The following RHCG variants were observed in gnomAD, a reference collection of about 807,000 sequenced individuals.
The protein encoded by RHCG is ammonium transporter Rh type C.
Under a neutral mutation model 55.3 loss-of-function variants are expected in RHCG, and 39 were observed. The ratio of observed to expected loss-of-function variants is 0.70; its 90% CI spans 0.55 to 0.92. The LOEUF is 0.92. Among genes scored for constraint, RHCG ranks in the 40% least tolerant of loss-of-function variants. RHCG has a pLI of 0.00. For synonymous variants in RHCG, 250 were observed against 246.8 expected (o/e 1.01, Z -0.12); for missense variants, 635 against 627.9 (o/e 1.01, Z -0.12).
chr15:89,474,565 G>T (rs962404938), intron 9 of RHCG, among the ~76,000 whole-genome samples: 1 of 152,178 alleles, frequency 6.6e-6, no homozygotes, highest in East Asian at 1.9e-4. Flanking sequence ...ATGGGGAGAG[G>T]CCAGCCTGAA....
chr15:89,479,546 A>G (rs1961226449), intron 4 of RHCG, 58 bp from the exon 5 acceptor site: 3 of 1,488,208 alleles, frequency 2.0e-6, no homozygotes, highest in Middle Eastern at 1.8e-4. Context: ...ATACAGCCCC[A>G]CAGCTCAGGC....
At chr15:89,486,176 C>G in intron 2 of RHCG, 1 of 445,048 alleles carries the variant, frequency 2.2e-6, no homozygotes, top group South Asian at 1.6e-5. Context: ...GGCTTCAGCC[C>G]TAACACTCCA....
At chr15:89,487,217 G>A (rs1961391941) in intron 1 of RHCG, among the ~76,000 whole-genome samples, 1 of 152,200 alleles carries the variant, frequency 6.6e-6, no homozygotes, top group African/African-American at 2.4e-5. Flanking sequence ...GGCCTCTCTA[G>A]AAAGGGAGGC....
chr15:89,487,558 T>C (rs1353409848), intron 1 of RHCG, among the ~76,000 whole-genome samples: 2 of 152,114 alleles, frequency 1.3e-5, no homozygotes, highest in African/African-American at 4.8e-5. Context: ...GCACATCAGT[T>C]ATAGCTGATC....
At position 89,477,192 on chromosome 15, in the gene RHCG, A is replaced by T; in HGVS notation, c.1127T>A (p.Phe376Tyr). 6.2e-7 allele frequency: 1 copy of T among 1,613,942 alleles called. No individual in the cohort carries two copies. The change falls in exon 8 of 11, where the codon TTT (phenylalanine) becomes TAT (tyrosine). Residue 376 changes from phenylalanine (F) to tyrosine (Y), a missense_variant. Transcript: ENST00000268122. The surrounding 1 kb of genome is among the most constrained non-coding windows in gnomAD (Gnocchi z 4.5). ...GTCCCCGTTGAAACCTTGAAAGTCA[A>T]AGGAATGGACAAGCCTGGGGTGGAG... The part of the protein sequence containing the change: ...VYGKEGLVHS[F>Y]DFQGFNGDWT...
chr15:89,474,689 C>A (rs1350166446), intron 9 of RHCG, among the ~76,000 whole-genome samples: 1 of 152,252 alleles, frequency 6.6e-6, no homozygotes, highest in Non-Finnish European at 1.5e-5. Context: ...TGGGATGCTG[C>A]AGAACTCAGT....
chr15:89,496,401 G>GTTC lies in RHCG; in HGVS notation c.141_143dup (p.Lys47dup), dbSNP rs1375701099. ...AGAATTCGTTCTCCATGTCGCTCAA[G>GTTC]TTCTTGTGCGTCCTCTCTGACCACC... On this transcript the variant is annotated inframe_insertion, in exon 1 of 11. Coordinates refer to ENST00000268122, the MANE Select transcript of RHCG (RefSeq NM_016321.3). 2 of 1,614,072 alleles carry GTTC rather than the reference G, an allele frequency of 1.2e-6. No individual in the cohort carries two copies. The highest frequency in any genetic ancestry group is 1.7e-6 in the Non-Finnish European group (2 of 1,179,984).
At chr15:89,488,258 C>T (rs1361806997) in intron 1 of RHCG, among the ~76,000 whole-genome samples, 1 of 151,274 alleles carries the variant, frequency 6.6e-6, no homozygotes, top group Non-Finnish European at 1.5e-5. Flanking sequence ...GCAGATAGGG[C>T]TCTTGCCTAC....
At chr15:89,476,593 C>A (rs951327946) in intron 9 of RHCG, among the ~76,000 whole-genome samples, 162 bp downstream of exon 9, 3 of 152,118 alleles carry the variant, frequency 2.0e-5, no homozygotes, top group African/African-American at 7.2e-5. Context: ...GAGTCTTCAA[C>A]CTCCATGAGA....
intron 1 of RHCG, among the ~76,000 whole-genome samples, chr15:89,487,244 G>A (rs1018236923): frequency 6.6e-6 from 1 of 152,198 alleles, no homozygotes; most frequent in African/African-American, 2.4e-5. Context: ...GGGGACCCGA[G>A]GTGGGCCCCC....
At chr15:89,488,915 T>G (rs1175805467) in intron 1 of RHCG, among the ~76,000 whole-genome samples, 5 of 152,254 alleles carry the variant, frequency 3.3e-5, no homozygotes, top group African/African-American at 1.2e-4. Context: ...TTACTATGGT[T>G]ATGGAAGAGA....
chr15:89,476,105 T>A (rs1961145342), intron 9 of RHCG, among the ~76,000 whole-genome samples: 1 of 151,214 alleles, frequency 6.6e-6, no homozygotes, highest in Non-Finnish European at 1.5e-5. Flanking sequence ...CTTGCTCTAT[T>A]GCCCAGGCTG....
At chr15:89,483,526 G>A (rs1961306947) in intron 2 of RHCG, among the ~76,000 whole-genome samples, 1 of 152,066 alleles carries the variant, frequency 6.6e-6, no homozygotes, top group Non-Finnish European at 1.5e-5. Flanking sequence ...TGTTGAACAT[G>A]CCCCATATTT....
chr15:89,496,444 A>T lies in RHCG; in HGVS notation c.101T>A (p.Phe34Tyr). ...ILFGVFVRYDFEADAHWWSER... is the reference protein window; with the variant it reads ...ILFGVFVRYDYEADAHWWSER... ...TGACCACCAGTGGGCGTCGGCCTCG[A>T]AGTCGTAGCGCACGAACACCCCGAA... Residue 34 changes from phenylalanine to tyrosine, a missense_variant, in exon 1 of 11, where the codon TTC becomes TAC. By Grantham distance (22) the Phe-to-Tyr change is conservative. Transcript: ENST00000268122. 2 of 1,614,028 alleles carry T rather than the reference A, an allele frequency of 1.2e-6. 1 individual carries two copies. Among genetic ancestry groups the T allele is most frequent in the Non-Finnish European group, 1.7e-6 (2 of 1,179,952 alleles).
At chr15:89,480,643 A>G (rs1001136059) in intron 3 of RHCG, among the ~76,000 whole-genome samples, 1 of 152,228 alleles carries the variant, frequency 6.6e-6, no homozygotes, top group Admixed American at 6.5e-5. Flanking sequence ...TTGTTCCCAG[A>G]TGGGGAAACC....
intron 1 of RHCG, among the ~76,000 whole-genome samples, chr15:89,491,199 C>T (rs1357356257): frequency 2.6e-5 from 4 of 152,056 alleles, no homozygotes; most frequent in East Asian, 1.9e-4. Flanking sequence ...AGGGAGCCCT[C>T]GCTTTCCTGG....
At position 89,496,347 on chromosome 15, in the gene RHCG, G is replaced by C. The variant is rs1216844400; in HGVS notation, c.184+14C>G. 1 of 1,613,150 alleles carries C rather than the reference G, an allele frequency of 6.2e-7. No homozygotes were observed. The highest frequency in any genetic ancestry group is 1.7e-5 in the Admixed American group (1 of 59,994). On this transcript the variant is annotated intron_variant, in intron 1 of 10. Coordinates refer to ENST00000268122, the MANE Select transcript of RHCG (RefSeq NM_016321.3). ...GGATATGCCTCCGCTGGGCCTGCAG[G>C]CGGCGAGACTTACTTGGGTAGCGAT...
At chr15:89,483,340 C>CAAG in intron 2 of RHCG, 123 bp from the exon 3 acceptor site, 1 of 835,870 alleles carries the variant, frequency 1.2e-6, no homozygotes, top group Admixed American at 3.0e-5. Flanking sequence ...TCAGTTTCAT[C>CAAG]ATCTACACTA....
At chr15:89,494,312 G>C (rs1281106591) in intron 1 of RHCG, among the ~76,000 whole-genome samples, 1 of 152,170 alleles carries the variant, frequency 6.6e-6, no homozygotes, top group Non-Finnish European at 1.5e-5. Context: ...TCTGGGGACA[G>C]AGACCCAGGA....
Sources: gnomAD v4.1 joint callset for allele counts (sites outside exome capture counted in the v4.1 genomes callset) on GRCh38, gnomAD v4.1.1 for gene constraint, Gnocchi (gnomAD v3.1) non-coding constraint, MANE v1.5 for transcripts, NCBI Gene and HGNC (gene_info 2026-07-23, HGNC 2026-07-21) for gene names.